Variants in CHD6 observed in about 807,000 individuals in gnomAD.
The protein encoded by CHD6 is chromodomain helicase DNA binding protein 6.
In CHD6, 50 loss-of-function variants were observed where a neutral mutation model predicts 276.9. The ratio of observed to expected loss-of-function variants is 0.18; its 90% confidence interval spans 0.14 to 0.23. The LOEUF is 0.23. Among genes scored for constraint, CHD6 ranks in the 10% least tolerant of loss-of-function variants. The probability of loss-of-function intolerance (pLI) is 1.00; values close to 1 mark genes in which losing one functional copy is unlikely to be tolerated. For synonymous variants in CHD6, 1,173 were observed against 1,229.3 expected, an observed-to-expected ratio of 0.95 and a Z score of 0.96; for missense variants, 2,564 against 3,365.8, an observed-to-expected ratio of 0.76 and a Z score of 5.89.
chr20:41,578,867 G>GAA (rs144132030), intron 1 of CHD6, among the ~76,000 whole-genome samples: 23 of 143,570 alleles, frequency 1.6e-4, no homozygotes, highest in African/African-American at 2.5e-4. Flanking sequence ...CCATTAGAAA[G>GAA]AAAAAAAAAA....
At position 41,437,302 on chromosome 20, in the gene CHD6, T is replaced by C; in HGVS notation, c.4040A>G (p.Asp1347Gly). Residue 1347 changes from aspartate to glycine, a missense_variant, in exon 27 of 37, where the codon GAC (aspartate) becomes GGC (glycine). Around this residue, in one of 7 missense-constraint regions of CHD6, gnomAD observed 515 missense variants for 739.5 expected, o/e 0.70. Coordinates refer to ENST00000373233, the MANE Select transcript of CHD6 (RefSeq NM_032221.5). ...GNTDKEDNAEDKVDGLQKQTE... is the reference protein window; with the variant it reads ...GNTDKEDNAEGKVDGLQKQTE... ...TTGTTTCTGGAGGCCATCTACTTTG[T>C]CCTCAGCATTGTCTTCTTTATCTGT... The C allele has an allele frequency of 6.2e-7, 1 of 1,613,770 alleles. No individual in the cohort carries two copies.
intron 1 of CHD6, among the ~76,000 whole-genome samples, chr20:41,566,370 G>A (rs761202725): frequency 3.2e-4 from 49 of 152,130 alleles, no homozygotes; most frequent in Admixed American, 2.6e-4. Context: ...AGCTTTTGGG[G>A]GGAATGGAAA....
chr20:41,506,289 C>G (rs149777445), intron 5 of CHD6, among the ~76,000 whole-genome samples: 98 of 152,292 alleles, frequency 6.4e-4, no homozygotes, highest in African/African-American at 2.2e-3. Flanking sequence ...CAAAGTAAAA[C>G]TAAACATCTT....
chr20:41,559,056 G>A (rs1458384587), intron 1 of CHD6, among the ~76,000 whole-genome samples: 2 of 152,022 alleles, frequency 1.3e-5, no homozygotes, highest in South Asian at 2.1e-4. Context: ...CAATGTTGAT[G>A]AGAAAAAAAA....
chr20:41,551,534 T>C (rs771032934), intron 1 of CHD6, among the ~76,000 whole-genome samples, 174 bp from the exon 2 acceptor site: 17 of 152,230 alleles, frequency 1.1e-4, no homozygotes, highest in Non-Finnish European at 1.8e-4. Flanking sequence ...GATCTAACTC[T>C]GTTAGACCCT....
At chr20:41,555,253 T>C (rs2045211010) in intron 1 of CHD6, among the ~76,000 whole-genome samples, 1 of 123,450 alleles carries the variant, frequency 8.1e-6, no homozygotes, top group Non-Finnish European at 1.6e-5. Context: ...CCCACCTCCC[T>C]CCTGGACGGG....
rs751303308 is a variant in CHD6 at position 41,404,754 on chromosome 20, C to T, written c.7987G>A (p.Asp2663Asn). The T allele has an allele frequency of 6.2e-7, 1 of 1,605,556 alleles. No homozygotes were observed. Among genetic ancestry groups the T allele is most frequent in the Non-Finnish European group, 8.5e-7 (1 of 1,175,514 alleles). ...GGCTCTGGGTGGGAGTTGGGGTTGT[C>T]CCCCTTTGTCTTCTTCTTCTTCCTC... ...QKRKKKKTKG[D>N]NPNSHPEPAP... The change falls in exon 37 of 37, where the codon GAC (aspartate) becomes AAC (asparagine). Residue 2663 changes from aspartate (D) to asparagine (N), a missense_variant. Asp to Asn is a conservative substitution (Grantham distance 23). This residue lies in a region of CHD6 where 238 missense variants were observed against 266.0 expected (regional missense o/e 0.89). Coordinates refer to ENST00000373233, the MANE Select transcript of CHD6 (RefSeq NM_032221.5).
intron 1 of CHD6, among the ~76,000 whole-genome samples, chr20:41,579,912 A>T (rs1300447536): frequency 6.6e-6 from 1 of 152,242 alleles, no homozygotes; most frequent in African/African-American, 2.4e-5. Context: ...CAATAAAAGA[A>T]AAAAATTGGG....
intron 1 of CHD6, among the ~76,000 whole-genome samples, chr20:41,589,344 C>T (rs987953945): frequency 1.3e-5 from 2 of 152,094 alleles, no homozygotes; most frequent in African/African-American, 4.8e-5. Context: ...TCCTATTCAA[C>T]ATAGTGTTGG....
At chr20:41,498,799 ATGTATGTATGTATGTGTGTGTGTGTG>A (rs2043751571) in intron 6 of CHD6, among the ~76,000 whole-genome samples, 4 of 94,816 alleles carry the variant, frequency 4.2e-5, no homozygotes, top group African/African-American at 1.8e-4. Flanking sequence ...GTATGTATGT[ATGTATGTATGTATGTGTGTGTGTGTG>A]TGTGTGTGTG....
intron 7 of CHD6, 118 bp downstream of exon 7, chr20:41,498,050 C>T: frequency 1.4e-6 from 1 of 720,428 alleles, no homozygotes; most frequent in Non-Finnish European, 2.4e-6. Flanking sequence ...CAGCCAAGAC[C>T]TGTGGGTCAT....
At chr20:41,490,610 C>T (rs1347143909) in intron 11 of CHD6, among the ~76,000 whole-genome samples, 3 of 152,138 alleles carry the variant, frequency 2.0e-5, no homozygotes, top group East Asian at 1.9e-4. Context: ...GTCAGGAGTT[C>T]GAGACGAACC....
intron 1 of CHD6, among the ~76,000 whole-genome samples, chr20:41,604,002 G>A (rs755803832): frequency 5.5e-5 from 8 of 144,864 alleles, no homozygotes; most frequent in East Asian, 2.1e-4. Context: ...GTGCGCATGC[G>A]TGTTTGTATA....
intron 17 of CHD6, among the ~76,000 whole-genome samples, chr20:41,465,472 A>G (rs2042899509): frequency 6.6e-6 from 1 of 152,244 alleles, no homozygotes; most frequent in African/African-American, 2.4e-5. Flanking sequence ...AGTACCCTTC[A>G]AAAGTGTCAA....
chr20:41,605,034 T>C (rs887458809), intron 1 of CHD6, among the ~76,000 whole-genome samples: 1 of 152,194 alleles, frequency 6.6e-6, no homozygotes, highest in African/African-American at 2.4e-5. Context: ...TACACTGTGA[T>C]TATTCTATGT....
At chr20:41,496,219 T>C (rs2043682349) in intron 8 of CHD6, among the ~76,000 whole-genome samples, 1 of 152,198 alleles carries the variant, frequency 6.6e-6, no homozygotes. Context: ...TGGCAATATG[T>C]TTTCTCCCTA....
intron 25 of CHD6, among the ~76,000 whole-genome samples, chr20:41,443,980 A>G (rs1292389355): frequency 2.6e-5 from 4 of 152,198 alleles, no homozygotes; most frequent in African/African-American, 7.2e-5. Flanking sequence ...TCTACCTGCC[A>G]TACTTCTGGG....
At chr20:41,414,699 T>C (rs1323152906) in intron 34 of CHD6, 1 of 344,276 alleles carries the variant, frequency 2.9e-6, no homozygotes, top group Non-Finnish European at 4.6e-6. Flanking sequence ...TGGTAGATGC[T>C]GTTGCCCCAC....
intron 1 of CHD6, among the ~76,000 whole-genome samples, chr20:41,586,833 C>T (rs747042509): frequency 6.6e-6 from 1 of 152,194 alleles, no homozygotes; most frequent in Non-Finnish European, 1.5e-5. Context: ...ACTTCCTCAA[C>T]TTGATAAAAG....
Sources: gnomAD v4.1 joint callset for allele counts (sites outside exome capture counted in the v4.1 genomes callset) on GRCh38, gnomAD v4.1.1 for gene constraint, gnomAD v4.1.1 regional missense constraint, MANE v1.5 for transcripts, NCBI Gene and HGNC (gene_info 2026-07-23, HGNC 2026-07-21) for gene names.